CNBD1: variants seen among roughly 807,000 people sequenced by gnomAD.
The protein encoded by CNBD1 is cyclic nucleotide-binding domain-containing protein 1.
A neutral mutation model predicts 54.4 loss-of-function variants in CNBD1; 71 were observed. The ratio of observed to expected loss-of-function variants is 1.30; its 90% CI spans 1.08 to 1.59. CNBD1 has a LOEUF of 1.59. CNBD1 is among the 40% of genes most tolerant of loss of function. The pLI is 0.00. For missense variants in CNBD1, 659 were observed against 518.0 expected, an observed-to-expected ratio of 1.27 and a Z score of -2.64; for synonymous variants, 182 against 170.7, an observed-to-expected ratio of 1.07 and a Z score of -0.51.
intron 10 of CNBD1, among the ~76,000 whole-genome samples, chr8:87,364,013 G>T (rs1417488561): frequency 2.7e-5 from 4 of 150,142 alleles, no homozygotes; most frequent in Non-Finnish European, 3.0e-5. Context: ...ACAAATCTTT[G>T]ACAACCATTT....
intron 4 of CNBD1, among the ~76,000 whole-genome samples, chr8:87,116,845 C>T (rs907485139): frequency 1.2e-4 from 19 of 152,144 alleles, no homozygotes; most frequent in African/African-American, 4.3e-4. Flanking sequence ...TCAACATCTC[C>T]CACCTCAGAA....
intron 2 of CNBD1, among the ~76,000 whole-genome samples, chr8:87,390,982 A>G (rs966331057): frequency 6.6e-6 from 1 of 152,090 alleles, no homozygotes; most frequent in Non-Finnish European, 1.5e-5. Flanking sequence ...TCAGCAAACT[A>G]TCACAAGGAC....
chr8:86,887,816 T>C (rs1459509923), intron 2 of CNBD1, among the ~76,000 whole-genome samples: 1 of 152,120 alleles, frequency 6.6e-6, no homozygotes, highest in Non-Finnish European at 1.5e-5. Flanking sequence ...AACAATTTAG[T>C]GTGAAACAAA....
chr8:87,238,949 C>T (rs184566654), intron 6 of CNBD1, among the ~76,000 whole-genome samples: 5 of 152,120 alleles, frequency 3.3e-5, no homozygotes, highest in African/African-American at 1.2e-4. Flanking sequence ...ATATCTCAGA[C>T]GTCTGAGATA....
intron 4 of CNBD1, among the ~76,000 whole-genome samples, chr8:87,048,307 G>GA (rs1488952594): frequency 2.6e-5 from 4 of 152,134 alleles, no homozygotes; most frequent in Non-Finnish European, 5.9e-5. Flanking sequence ...TTGTCAAATA[G>GA]AAAATCATTG....
At chr8:87,356,482 A>T (rs771567057) in intron 10 of CNBD1, among the ~76,000 whole-genome samples, 1 of 152,174 alleles carries the variant, frequency 6.6e-6, no homozygotes, top group East Asian at 1.9e-4. Flanking sequence ...CATTGTGTCC[A>T]TGCCCTAAAG....
intron 4 of CNBD1, among the ~76,000 whole-genome samples, chr8:87,081,039 CTTGTT>C (rs1200944521): frequency 1.3e-5 from 2 of 151,140 alleles, no homozygotes; most frequent in South Asian, 2.1e-4. Flanking sequence ...CTTCTTTCCT[CTTGTT>C]TTGTGTTTAA....
At chr8:87,394,747 TTTTAAG>T (rs377297942) in intron 2 of CNBD1, among the ~76,000 whole-genome samples, 2 of 151,972 alleles carry the variant, frequency 1.3e-5, no homozygotes, top group African/African-American at 2.4e-5. Flanking sequence ...TAACAAATTG[TTTTAAG>T]TTTAAGATAA....
At chr8:86,982,492 T>A (rs1808508764) in intron 4 of CNBD1, among the ~76,000 whole-genome samples, 1 of 152,200 alleles carries the variant, frequency 6.6e-6, no homozygotes, top group African/African-American at 2.4e-5. Context: ...TGGATAAGTG[T>A]TGAGGTTCCT....
At chr8:87,362,417 A>G (rs889670548) in intron 10 of CNBD1, among the ~76,000 whole-genome samples, 4 of 152,120 alleles carry the variant, frequency 2.6e-5, no homozygotes, top group Non-Finnish European at 5.9e-5. Context: ...TGTTCATCCA[A>G]CAGACAGTCC....
chr8:87,075,677 T>C (rs2943176), intron 4 of CNBD1, among the ~76,000 whole-genome samples: 17,803 of 152,238 alleles, frequency 0.12, 1,331 homozygotes, highest in Middle Eastern at 0.19. Flanking sequence ...GCCTTCTTCC[T>C]TGGCAATAAT....
intron 6 of CNBD1, among the ~76,000 whole-genome samples, chr8:87,277,278 A>T (rs1182793912): frequency 6.6e-6 from 1 of 151,696 alleles, no homozygotes; most frequent in Non-Finnish European, 1.5e-5. Flanking sequence ...TGTCTTATTC[A>T]GGGGAAGGTC....
intron 4 of CNBD1, among the ~76,000 whole-genome samples, chr8:87,156,479 A>G (rs1038445702): frequency 1.3e-5 from 2 of 151,382 alleles, no homozygotes; most frequent in Admixed American, 6.6e-5. Context: ...CCTGACCTCA[A>G]GTGATTAGCC....
chr8:86,913,337 G>A (rs77806763), intron 3 of CNBD1, among the ~76,000 whole-genome samples: 3,316 of 152,112 alleles, frequency 0.022, 121 homozygotes, highest in African/African-American at 0.076. Flanking sequence ...TTTTAATTTA[G>A]CTCTACCTTT....
intron 4 of CNBD1, among the ~76,000 whole-genome samples, chr8:86,963,280 A>C (rs986102573): frequency 7.2e-5 from 11 of 151,960 alleles, no homozygotes; most frequent in Non-Finnish European, 1.2e-4. Flanking sequence ...AGTTCCCTAG[A>C]CCCTATCTAT....
In CNBD1 at chr8:87,276,803, A is replaced by C. The variant is rs185988512; in HGVS notation, c.772-7875A>C. Among the ~76,000 whole-genome samples the C allele has an allele frequency of 1.4e-4, 21 of 151,414 alleles. No homozygotes were observed. The East Asian group carries it at 3.9e-3, about 28-fold the overall frequency. The stretch of plus-strand genomic sequence containing the variant: ...CTGCTGCTTTTCCTTAGAGACATCC[A>C]ACAGCTTGCAAGCATCATAAGGATA... On this transcript the variant is annotated intron_variant, in intron 6 of 10. Transcript: ENST00000518476.
chr8:87,016,523 A>G lies in CNBD1; in HGVS notation c.431+76769A>G, dbSNP rs529549878. Among the ~76,000 whole-genome samples, 8 of 152,058 alleles carry G rather than the reference A, an allele frequency of 5.3e-5. No homozygotes were observed. The East Asian group carries it at 1.2e-3, about 22-fold the overall frequency. ...TATGGTTATCAAGAAAATAGTTGAT[A>G]TAGGGAAAGGGCAAAACCATGTAAC... On this transcript the variant is annotated intron_variant, in intron 4 of 10. Transcript: ENST00000518476.
At position 87,311,206 on chromosome 8, in the gene CNBD1, A is replaced by T. The variant is rs1413340287; in HGVS notation, c.1042+24535A>T. 4.6e-5 allele frequency among the ~76,000 whole-genome samples: 7 copies of T among 152,168 alleles called. No individual in the cohort carries two copies. In the East Asian group the frequency reaches 1.3e-3, roughly 29 times the overall value. On this transcript the variant is annotated intron_variant, in intron 8 of 10. Coordinates refer to ENST00000518476, the MANE Select transcript of CNBD1 (RefSeq NM_173538.3). ...AATATTCACAAACAATATATCCAAC[A>T]AAGGTCTGATATCTAGAATCTATAA...
chr8:87,196,027 G>A (rs896573973), intron 4 of CNBD1, among the ~76,000 whole-genome samples: 19 of 152,154 alleles, frequency 1.2e-4, no homozygotes, highest in African/African-American at 4.1e-4. Flanking sequence ...TGTTACTTCA[G>A]AATTTTGAGC....
Sources: allele counts gnomAD v4.1 joint callset (sites outside exome capture counted in the v4.1 genomes callset), GRCh38; gene constraint gnomAD v4.1.1; transcripts MANE v1.5; gene names NCBI Gene and HGNC (gene_info 2026-07-23, HGNC 2026-07-21).